Variants in SC5D observed in about 807,000 individuals in gnomAD.
SC5D encodes the protein sterol-C5-desaturase.
In SC5D, 21 loss-of-function variants were observed where a neutral mutation model predicts 23.9. The observed-to-expected ratio is 0.88, with a 90% confidence interval of 0.62 to 1.26. The LOEUF (loss-of-function observed/expected upper bound fraction) is 1.26, where lower values mean the gene tolerates loss of function less well. Among genes scored for constraint, SC5D ranks in the 50% most tolerant of loss-of-function variants. The pLI is 0.00. For missense variants in SC5D, 309 were observed against 364.8 expected (o/e 0.85, Z 1.25); for synonymous variants, 113 against 125.9 (o/e 0.90, Z 0.68).
intron 1 of SC5D, among the ~76,000 whole-genome samples, chr11:121,299,380 AGTATTT>A (rs1947911176): frequency 3.3e-5 from 5 of 152,240 alleles, no homozygotes; most frequent in Non-Finnish European, 4.4e-5. Flanking sequence ...TACATGCACA[AGTATTT>A]AACTTTGATT....
chr11:121,299,373 A>G (rs1947911032), intron 1 of SC5D, among the ~76,000 whole-genome samples: 1 of 152,264 alleles, frequency 6.6e-6, no homozygotes, highest in Non-Finnish European at 1.5e-5. Flanking sequence ...ATACATATAC[A>G]TGCACAAGTA....
At chr11:121,298,603 C>T (rs1013911019) in intron 1 of SC5D, among the ~76,000 whole-genome samples, 5 of 152,234 alleles carry the variant, frequency 3.3e-5, no homozygotes, top group East Asian at 1.9e-4. Flanking sequence ...ACCATAAATA[C>T]GTCAGGAGAA....
intron 1 of SC5D, 40 bp downstream of exon 1, chr11:121,292,856 C>G (rs750511759): frequency 6.5e-6 from 1 of 152,800 alleles, no homozygotes; most frequent in African/African-American, 2.4e-5. Context: ...GCGGAATACA[C>G]CTGAGCGGGC....
chr11:121,300,093 C>T (rs1341480078), intron 1 of SC5D, among the ~76,000 whole-genome samples: 2 of 152,136 alleles, frequency 1.3e-5, no homozygotes, highest in Non-Finnish European at 2.9e-5. Context: ...TCCAAAACAG[C>T]AGAGTAAGAA....
Position 121,307,960 on chromosome 11 carries a change from G to GAAA in SC5D, c.*448_*449insAAA. The GAAA allele has an allele frequency of 6.3e-6, 1 of 158,042 alleles. No individual in the cohort carries two copies. The allele number at this position is 158,042 out of a possible 1,614,324, so 9.8% of individuals were successfully genotyped here. A position where few individuals can be genotyped will look rare whatever the true frequency, so the allele number is the denominator to read the frequency against. ...AAGATTGTTTCTTGTTTCAGGAATG[G>GAAA]TTAATTCTTCAACGTTGGTATGATA... On this transcript the variant is annotated 3_prime_UTR_variant, in exon 5 of 5. Coordinates refer to ENST00000264027, the MANE Select transcript of SC5D (RefSeq NM_006918.5).
intron 1 of SC5D, among the ~76,000 whole-genome samples, chr11:121,300,804 T>C (rs1434784503): frequency 9.8e-5 from 15 of 152,304 alleles, no homozygotes; most frequent in Non-Finnish European, 1.5e-5. Flanking sequence ...GAGTGACAAC[T>C]AAAGTATTGA....
chr11:121,306,724 G>A, intron 4 of SC5D: 1 of 638,112 alleles, frequency 1.6e-6, no homozygotes, highest in South Asian at 1.7e-5. Flanking sequence ...GGGAACAATA[G>A]ACATTAGAGA....
At position 121,306,403 on chromosome 11, in the gene SC5D, G is replaced by A. The variant is rs35536707; in HGVS notation, c.361G>A (p.Val121Ile). Reference protein sequence around the residue: ...EFPYGLFELVVSIISFLFFTD... With the variant: ...EFPYGLFELVISIISFLFFTD... ...TTTTCTAGGATTGTTTGAACTTGTC[G>A]TTAGTATAATATCTTTCCTCTTTTT... The change falls in exon 4 of 5, where the codon GTT (valine) becomes ATT (isoleucine). Residue 121 changes from valine to isoleucine, a missense_variant. By Grantham distance (29) the Val-to-Ile change is conservative (BLOSUM62 3). Coordinates refer to ENST00000264027, the MANE Select transcript of SC5D (RefSeq NM_006918.5). 26 of 1,562,178 alleles carry A rather than the reference G, an allele frequency of 1.7e-5. No homozygotes were observed. Among genetic ancestry groups the A allele is most frequent in the Admixed American group, 6.7e-5 (4 of 59,936 alleles).
Position 121,309,337 on chromosome 11 carries a change from T to G in SC5D, c.*1825T>G, listed in dbSNP as rs1947991799. On this transcript the variant is annotated 3_prime_UTR_variant, in exon 5 of 5. Coordinates refer to ENST00000264027, the MANE Select transcript of SC5D (RefSeq NM_006918.5). ...CAGGCCTGGAAGTGGTGCATATCTC[T>G]TCCGCCCATGTTCCTTTGGACAGAA... Among the ~76,000 whole-genome samples, 1 of 152,222 alleles carries G rather than the reference T, an allele frequency of 6.6e-6. No individual in the cohort carries two copies. The highest frequency in any genetic ancestry group is 2.1e-4 in the South Asian group (1 of 4,824).
In SC5D at chr11:121,312,586, A is replaced by G. The variant is rs1384304657; in HGVS notation, c.*5074A>G. 1.3e-5 allele frequency among the ~76,000 whole-genome samples: 2 copies of G among 152,166 alleles called. No homozygotes were observed. Among genetic ancestry groups the G allele is most frequent in the Non-Finnish European group, 2.9e-5 (2 of 68,002 alleles). ...ACGATTCAAACAAAGACAAAATAGC[A>G]TATCAAAAGTTAATCACTCAGTTGG... is the stretch of plus-strand genomic sequence containing the variant. On this transcript the variant is annotated 3_prime_UTR_variant, in exon 5 of 5. Transcript: ENST00000264027.
intron 1 of SC5D, among the ~76,000 whole-genome samples, chr11:121,299,108 G>A (rs977824011): frequency 1.3e-5 from 2 of 152,354 alleles, no homozygotes; most frequent in Non-Finnish European, 2.9e-5. Flanking sequence ...ATGATTAAAT[G>A]ATGACTATAT....
At chr11:121,303,077 G>A (rs1947936907) in intron 1 of SC5D, among the ~76,000 whole-genome samples, 1 of 152,144 alleles carries the variant, frequency 6.6e-6, no homozygotes, top group Non-Finnish European at 1.5e-5. Context: ...CACTGAAATG[G>A]AATTCCATCT....
At chr11:121,292,877 GGC>G (rs1395888572) in intron 1 of SC5D, 61 bp downstream of exon 1, 5 of 152,478 alleles carry the variant, frequency 3.3e-5, no homozygotes, top group African/African-American at 1.2e-4. Context: ...TGGGCCGGGG[GGC>G]GATGGAATAA....
rs1358901432 is a variant in SC5D, at chr11:121,296,619, T to C, written c.-11+3803T>C. On this transcript the variant is annotated intron_variant, in intron 1 of 4. Coordinates refer to ENST00000264027, the MANE Select transcript of SC5D (RefSeq NM_006918.5). ...GCATATATATCTGTATTGCAGCACG[T>C]GTCCTATTGCTAGAATTGTTTTTGT... Among the ~76,000 whole-genome samples, 4 of 152,370 alleles carry C rather than the reference T, an allele frequency of 2.6e-5. No individual in the cohort carries two copies. In the South Asian group the frequency reaches 8.3e-4, roughly 32 times the overall value.
In SC5D at chr11:121,306,917, G is replaced by A. The variant is rs576900031; in HGVS notation, c.445-140G>A. ...TAAAATTATACTGTTTTAGGGCGAA[G>A]AAGGACATTTTATAGAATAAATAAT... is the stretch of plus-strand genomic sequence containing the variant. On this transcript the variant is annotated intron_variant, in intron 4 of 4. Coordinates refer to ENST00000264027, the MANE Select transcript of SC5D (RefSeq NM_006918.5). The A allele has an allele frequency of 3.0e-5, 24 of 790,896 alleles. No homozygotes were observed. The East Asian group carries it at 5.8e-4, about 19-fold the overall frequency. 49.0% of individuals were successfully genotyped at this position (790,896 alleles called of 1,614,324 possible).
rs753911880 is a variant in SC5D, at chr11:121,304,364, C to G, written c.214C>G (p.Gln72Glu). Reference sequence around the variant, plus strand: ...GTATTGGAAATTTCACTTTCAGAATCAAGTCCGTCGAGAGATTAAGTTTAC... The same window carrying G: ...GTATTGGAAATTTCACTTTCAGAATGAAGTCCGTCGAGAGATTAAGTTTAC... The part of the protein sequence containing the change: ...LMKHPQFLKN[Q>E]VRREIKFTVQ... Residue 72 changes from glutamine to glutamate, a missense_variant, in exon 3 of 5, where the codon CAA becomes GAA. Gln to Glu is a conservative substitution (Grantham distance 29). Transcript: ENST00000264027. 6.2e-7 allele frequency: 1 copy of G among 1,613,290 alleles called. No individual in the cohort carries two copies. Among genetic ancestry groups the G allele is most frequent in the Non-Finnish European group, 8.5e-7 (1 of 1,179,424 alleles).
intron 1 of SC5D, among the ~76,000 whole-genome samples, chr11:121,294,966 C>G (rs1947878840): frequency 6.6e-6 from 1 of 152,352 alleles, no homozygotes; most frequent in South Asian, 2.1e-4. Context: ...CCTCCCTTGG[C>G]AGTCTTCACC....
chr11:121,296,973 A>G (rs1199297480), intron 1 of SC5D, among the ~76,000 whole-genome samples: 1 of 152,232 alleles, frequency 6.6e-6, no homozygotes, highest in Non-Finnish European at 1.5e-5. Flanking sequence ...AGAAAAAAAT[A>G]TAAATTATTC....
At chr11:121,301,045 C>G (rs564729820) in intron 1 of SC5D, among the ~76,000 whole-genome samples, 21 of 152,182 alleles carry the variant, frequency 1.4e-4, no homozygotes, top group African/African-American at 5.1e-4. Flanking sequence ...AGAGTTACCC[C>G]ATCATATTAC....
Sources: allele counts gnomAD v4.1 joint callset (sites outside exome capture counted in the v4.1 genomes callset), GRCh38; gene constraint gnomAD v4.1.1; transcripts MANE v1.5; gene names NCBI Gene and HGNC (gene_info 2026-07-23, HGNC 2026-07-21).